LRRD1: variants seen among roughly 807,000 people sequenced by gnomAD.
LRRD1 encodes the protein leucine rich repeats and death domain containing 1.
In LRRD1, 49 loss-of-function variants were observed where a neutral mutation model predicts 69.5. The observed-to-expected ratio is 0.70, with a 90% CI of 0.56 to 0.89. The LOEUF (loss-of-function observed/expected upper bound fraction) is 0.89, where lower values mean the gene tolerates loss of function less well. Among genes scored for constraint, LRRD1 ranks in the 40% least tolerant of loss-of-function variants. The probability of loss-of-function intolerance (pLI) is 0.00; values close to 1 mark genes in which losing one functional copy is unlikely to be tolerated. For missense variants in LRRD1, 853 were observed against 956.0 expected, an observed-to-expected ratio of 0.89 and a Z score of 1.42; for synonymous variants, 303 against 338.9, an observed-to-expected ratio of 0.89 and a Z score of 1.16.
intron 4 of LRRD1, chr7:92,149,839 C>T (rs1820421464): frequency 2.3e-6 from 1 of 441,698 alleles, no homozygotes; most frequent in Non-Finnish European, 4.6e-6. Context: ...AGGCATGAGC[C>T]ACCACACGCA....
At chr7:92,166,771 T>G (rs1563193566) in intron 1 of LRRD1, among the ~76,000 whole-genome samples, 1 of 152,228 alleles carries the variant, frequency 6.6e-6, no homozygotes, top group Non-Finnish European at 1.5e-5. Context: ...GATGGGAATT[T>G]CTTTAATCTG....
At chr7:92,161,551 G>C (rs1318969956) in intron 2 of LRRD1, among the ~76,000 whole-genome samples, 1 of 152,250 alleles carries the variant, frequency 6.6e-6, no homozygotes, top group Admixed American at 6.5e-5. Context: ...ATCTATGCAT[G>C]AAGTGAGTGA....
chr7:92,145,114 AT>A, intron 5 of LRRD1, 40 bp from the exon 6 acceptor site: 1 of 1,010,830 alleles, frequency 9.9e-7, no homozygotes, highest in Non-Finnish European at 1.3e-6. Context: ...TTAAATATTT[AT>A]TAACGTTTAA....
In LRRD1 at chr7:92,164,042, T is replaced by C. The variant is rs1364654893; in HGVS notation, c.1161A>G (p.Ile387Met). 2 of 1,540,554 alleles carry C rather than the reference T, an allele frequency of 1.3e-6. No individual in the cohort carries two copies. The highest frequency in any genetic ancestry group is 4.9e-5 in the East Asian group (2 of 40,768). ...LILDKNLLKN[I>M]PEKISCCAML... ...TTGCACAGCAAGATATTTTCTCTGGTATATTTTTCAATAAATTTTTATCAA... is the reference window on the plus strand; with the variant it reads ...TTGCACAGCAAGATATTTTCTCTGGCATATTTTTCAATAAATTTTTATCAA... Residue 387 changes from isoleucine to methionine, a missense_variant, in exon 2 of 6, where the codon ATA becomes ATG. Physicochemically the swap from Ile to Met is conservative, Grantham distance 10. Around this residue, in one of 3 missense-constraint regions of LRRD1, gnomAD observed 739 missense variants for 808.0 expected, o/e 0.91. Coordinates refer to ENST00000458448, the MANE Select transcript of LRRD1 (RefSeq NM_001161528.2).
intron 1 of LRRD1, among the ~76,000 whole-genome samples, chr7:92,168,078 A>G (rs1215543778): frequency 6.6e-6 from 1 of 152,046 alleles, no homozygotes; most frequent in Non-Finnish European, 1.5e-5. Flanking sequence ...ATTACCAGCA[A>G]TATCCCAGAA....
At chr7:92,169,335 A>C (rs190268327) in intron 1 of LRRD1, among the ~76,000 whole-genome samples, 11 of 152,252 alleles carry the variant, frequency 7.2e-5, no homozygotes, top group African/African-American at 2.6e-4. Flanking sequence ...GAGATTGGAT[A>C]ATTTAAAAAA....
At chr7:92,150,748 G>A in intron 3 of LRRD1, 53 bp from the exon 4 acceptor site, 1 of 1,303,700 alleles carries the variant, frequency 7.7e-7, no homozygotes, top group Non-Finnish European at 1.1e-6. Context: ...AGAAAACTAT[G>A]GAGACAAATA....
intron 1 of LRRD1, among the ~76,000 whole-genome samples, chr7:92,172,483 C>T (rs950845246): frequency 6.6e-6 from 1 of 151,774 alleles, no homozygotes; most frequent in Non-Finnish European, 1.5e-5. Context: ...CTAATACATT[C>T]GGTAAAGTTT....
intron 5 of LRRD1, among the ~76,000 whole-genome samples, chr7:92,145,564 C>T (rs1000547888): frequency 6.6e-6 from 1 of 151,768 alleles, no homozygotes; most frequent in East Asian, 1.9e-4. Flanking sequence ...CTCAGCCTCC[C>T]GAGTAGCTGG....
Position 92,171,673 on chromosome 7 carries a change from A to G in LRRD1, c.-74-6397T>C, listed in dbSNP as rs1789060440. ...GGAATTCTCCCAAACTCATTCTACG[A>G]GGCCAGTGTTACCCTGATACCAAAA... is the stretch of plus-strand genomic sequence containing the variant. On this transcript the variant is annotated intron_variant, in intron 1 of 5. Transcript: ENST00000458448. 2.6e-5 allele frequency among the ~76,000 whole-genome samples: 4 copies of G among 152,228 alleles called. No individual in the cohort carries two copies. The South Asian group carries it at 6.2e-4, about 24-fold the overall frequency.
chr7:92,175,690 T>A (rs1789179629), intron 1 of LRRD1, among the ~76,000 whole-genome samples: 1 of 152,078 alleles, frequency 6.6e-6, no homozygotes, highest in South Asian at 2.1e-4. Flanking sequence ...GAGTGCTTAT[T>A]TACAAAGGTG....
chr7:92,163,293 C>T lies in LRRD1; in HGVS notation c.1910G>A (p.Gly637Glu). ...LEQLNISQIK[G>E]RKLTRLPGEL... is the part of the protein sequence containing the mutation. ...ACAATACCAGTCTCTTACCTTTCTC[C>T]CTTTTATCTGACTTATATTCAGCTG... The change falls in exon 2 of 6, where the codon GGG becomes GAG. Residue 637 changes from glycine to glutamate, a missense_variant. This residue lies in a region of LRRD1 where 739 missense variants were observed against 808.0 expected (regional missense o/e 0.91). Transcript: ENST00000458448. The T allele has an allele frequency of 6.8e-7, 1 of 1,462,632 alleles. No homozygotes were observed. Among genetic ancestry groups the T allele is most frequent in the Non-Finnish European group, 9.0e-7 (1 of 1,108,054 alleles). The allele number at this position is 1,462,632 out of a possible 1,614,324, so 90.6% of individuals were successfully genotyped here. A position where few individuals can be genotyped will look rare whatever the true frequency, so the allele number is the denominator to read the frequency against.
At position 92,164,440 on chromosome 7, in the gene LRRD1, A is replaced by T. The variant is rs1290544794; in HGVS notation, c.763T>A (p.Cys255Ser). The T allele has an allele frequency of 1.3e-6, 2 of 1,549,996 alleles. No individual in the cohort carries two copies. The highest frequency in any genetic ancestry group is 2.4e-5 in the South Asian group (2 of 83,868). Residue 255 changes from cysteine to serine, a missense_variant, in exon 2 of 6, where the codon TGT becomes AGT. Cys to Ser is a moderately radical substitution (Grantham distance 112). Around this residue, in one of 3 missense-constraint regions of LRRD1, gnomAD observed 739 missense variants for 808.0 expected, o/e 0.91. Transcript: ENST00000458448. The stretch of plus-strand genomic sequence containing the variant: ...CTTAAAATTTCCAAGTTTCCAAGAC[A>T]TTCTAAGTCAGAAGGAAAATTTTCA... The part of the protein sequence containing the change: ...YIENFPSDLE[C>S]LGNLEILSLG...
Position 92,163,472 on chromosome 7 carries a change from A to G in LRRD1, c.1731T>C (p.Thr577=), listed in dbSNP as rs766695411. 2 of 1,539,604 alleles carry G rather than the reference A, an allele frequency of 1.3e-6. No homozygotes were observed. The highest frequency in any genetic ancestry group is 1.4e-5 in the African/African-American group (1 of 72,240). The part of the protein sequence containing the change: ...KFETFPRELC[T]LENLQVLDLS... The stretch of plus-strand genomic sequence containing the variant: ...GATCAAGTACTTGCAAATTTTCTAA[A>G]GTACACAATTCTCTAGGGAAAGTTT... The change falls in exon 2 of 6, where the codon ACT becomes ACC. Residue 577 remains threonine (T), a synonymous_variant. Coordinates refer to ENST00000458448, the MANE Select transcript of LRRD1 (RefSeq NM_001161528.2).
chr7:92,167,889 A>T (rs1042879076), intron 1 of LRRD1, among the ~76,000 whole-genome samples: 2 of 146,200 alleles, frequency 1.4e-5, no homozygotes, highest in Non-Finnish European at 3.0e-5. Flanking sequence ...AAAAAAAAAA[A>T]AAAAAAAAAA....
chr7:92,176,084 A>G (rs1044207265), intron 1 of LRRD1, among the ~76,000 whole-genome samples: 2 of 152,220 alleles, frequency 1.3e-5, no homozygotes, highest in Non-Finnish European at 2.9e-5. Context: ...TTCTTTACAT[A>G]GCCAGATCAA....
chr7:92,143,538 G>C (rs1029713053), downstream of LRRD1, among the ~76,000 whole-genome samples: 11 of 152,176 alleles, frequency 7.2e-5, no homozygotes, highest in African/African-American at 2.4e-4. Flanking sequence ...AAGGCCCGGC[G>C]AGAAATTGAG....
At chr7:92,144,111 A>T (rs1336099264), downstream of LRRD1, among the ~76,000 whole-genome samples, 1 of 152,204 alleles carries the variant, frequency 6.6e-6, no homozygotes, top group Non-Finnish European at 1.5e-5. Flanking sequence ...TCCTGTCTGG[A>T]CACTCAACTG....
In LRRD1 at chr7:92,165,211, C is replaced by A. The variant is rs979602931; in HGVS notation, c.-9G>T. Reference sequence around the variant, plus strand: ...CCCTCCTTTTCAGACATCTTATTTGCTGATATGTTTTATGCCAATACAAAA... The same window carrying A: ...CCCTCCTTTTCAGACATCTTATTTGATGATATGTTTTATGCCAATACAAAA... On this transcript the variant is annotated 5_prime_UTR_variant, in exon 2 of 6. Transcript: ENST00000458448. 4.2e-6 allele frequency: 6 copies of A among 1,418,772 alleles called. No homozygotes were observed. The African/African-American group carries it at 4.3e-5, about 10-fold the overall frequency. The allele number at this position is 1,418,772 out of a possible 1,614,324, so 87.9% of individuals were successfully genotyped here. A position where few individuals can be genotyped will look rare whatever the true frequency, so the allele number is the denominator to read the frequency against.
Sources: allele counts gnomAD v4.1 joint callset (sites outside exome capture counted in the v4.1 genomes callset), GRCh38; gene constraint gnomAD v4.1.1; regional missense constraint gnomAD v4.1.1; transcripts MANE v1.5; gene names NCBI Gene and HGNC (gene_info 2026-07-23, HGNC 2026-07-21).